Variants in C2CD3 observed in about 807,000 individuals in gnomAD.
C2CD3 encodes C2 domain-containing protein 3.
In C2CD3, 148 loss-of-function variants were observed where a neutral mutation model predicts 234.0. The ratio of observed to expected loss-of-function variants is 0.63; its 90% CI spans 0.55 to 0.72. The LOEUF (loss-of-function observed/expected upper bound fraction) is 0.72. Ranked by LOEUF, C2CD3 falls within the 30% of genes least tolerant of loss-of-function variation. C2CD3 has a pLI of 0.00. For synonymous variants in C2CD3, 1,000 were observed against 1,035.4 expected, an observed-to-expected ratio of 0.97 and a Z score of 0.66; for missense variants, 2,577 against 2,811.5, an observed-to-expected ratio of 0.92 and a Z score of 1.89.
intron 14 of C2CD3, among the ~76,000 whole-genome samples, chr11:74,101,901 T>C (rs896880702): frequency 2.6e-5 from 4 of 151,934 alleles, no homozygotes; most frequent in African/African-American, 9.7e-5. Context: ...TTGAAGGATA[T>C]AGGGAATCAC....
intron 17 of C2CD3, among the ~76,000 whole-genome samples, chr11:74,094,994 T>A (rs1956053332): frequency 1.3e-5 from 2 of 152,118 alleles, no homozygotes; most frequent in Non-Finnish European, 2.9e-5. Context: ...GTAAAGAGTA[T>A]ACCAAAGTTC....
At chr11:74,112,544 G>A (rs1177447694) in intron 11 of C2CD3, among the ~76,000 whole-genome samples, 1 of 152,072 alleles carries the variant, frequency 6.6e-6, no homozygotes, top group Admixed American at 6.6e-5. Flanking sequence ...GAAAATATTT[G>A]CAAATCATAG....
chr11:74,111,200 T>A (rs556974146), intron 11 of C2CD3, among the ~76,000 whole-genome samples: 40 of 152,318 alleles, frequency 2.6e-4, no homozygotes, highest in South Asian at 1.7e-3. Flanking sequence ...GAGTTTCCTC[T>A]TTCCTCTTTA....
At position 74,013,442 on chromosome 11, in the gene C2CD3, C is replaced by T. The variant is rs953541347; in HGVS notation, c.7005G>A (p.Glu2335=). 4.9e-6 allele frequency: 7 copies of T among 1,421,934 alleles called. No homozygotes were observed. The highest frequency in any genetic ancestry group is 5.5e-6 in the Non-Finnish European group (6 of 1,088,574). The allele number at this position is 1,421,934 out of a possible 1,614,324, so 88.1% of individuals were successfully genotyped here. ...RPNSLPLNLP[E]EETLRIARIF... ...TCCGTGCAATCCTGAGAGTTTCTTCCTCAGGCAGGTTGAGGGGGAGCGAGT... is the reference window on the plus strand; with the variant it reads ...TCCGTGCAATCCTGAGAGTTTCTTCTTCAGGCAGGTTGAGGGGGAGCGAGT... Residue 2335 remains glutamate (E), a synonymous_variant, in exon 33 of 33, where the codon GAG becomes GAA. Transcript: ENST00000334126.
chr11:74,074,189 T>C (rs1005377596), intron 24 of C2CD3, 64 bp downstream of exon 24: 6 of 1,091,858 alleles, frequency 5.5e-6, no homozygotes, highest in African/African-American at 1.6e-5. Context: ...TTTGAAAGAT[T>C]TGTGAAGAAA....
chr11:74,103,673 T>G, intron 13 of C2CD3, 48 bp from the exon 14 acceptor site: 1 of 1,513,922 alleles, frequency 6.6e-7, no homozygotes, highest in Non-Finnish European at 8.9e-7. Flanking sequence ...CCTTTAGAAT[T>G]GGAATTAGAA....
rs941754645 is a variant in C2CD3 at position 74,090,928 on chromosome 11, C to G, written c.3526G>C (p.Asp1176His). Residue 1176 changes from aspartate to histidine, a missense_variant, in exon 20 of 33, where the codon GAT (aspartate) becomes CAT (histidine). Physicochemically the swap from Asp to His is moderately conservative, Grantham distance 81. Transcript: ENST00000334126. ...ELRNQSSGLLDVGLRYRRSPR... is the reference protein window; with the variant it reads ...ELRNQSSGLLHVGLRYRRSPR... ...CTACGCCTGTACCTTAGGCCCACAT[C>G]CAGTAAACCTGAAGAATGAGGACAC... The G allele has an allele frequency of 6.2e-7, 1 of 1,613,672 alleles. No individual in the cohort carries two copies. The highest frequency in any genetic ancestry group is 2.2e-5 in the East Asian group (1 of 44,858).
rs1951745632 is a variant in C2CD3, at chr11:74,012,941, G to A, written c.*444C>T. 6.6e-6 allele frequency: 1 copy of A among 152,668 alleles called. No homozygotes were observed. The highest frequency in any genetic ancestry group is 1.5e-5 in the Non-Finnish European group (1 of 68,406). 9.5% of individuals were successfully genotyped at this position (152,668 alleles called of 1,614,324 possible). On this transcript the variant is annotated 3_prime_UTR_variant, in exon 33 of 33. Coordinates refer to ENST00000334126, the MANE Select transcript of C2CD3 (RefSeq NM_001286577.2). ...GTTCCCACACAAATGAACTGGAGGT[G>A]GCCCTAGGATTTCCTTGACTATGCA...
chr11:74,104,089 G>A (rs1956422854), intron 13 of C2CD3, among the ~76,000 whole-genome samples: 1 of 152,180 alleles, frequency 6.6e-6, no homozygotes, highest in Admixed American at 6.5e-5. Flanking sequence ...AAAAGAGACG[G>A]TAGAGTTAGA....
intron 24 of C2CD3, among the ~76,000 whole-genome samples, chr11:74,072,032 T>C (rs958737435): frequency 6.6e-6 from 1 of 152,160 alleles, no homozygotes; most frequent in Non-Finnish European, 1.5e-5. Context: ...AAAAAAACTT[T>C]CCAAAAATAA....
chr11:74,028,371 G>A lies in C2CD3; in HGVS notation c.6837C>T (p.Phe2279=), dbSNP rs1043962051. ...CCTCCAACTGCTGGGGAGGCAAAAA[G>A]AAGTTGGGCACCACAATGGGCCCTG... ...LLPGPIVVPN[F]FLPPQQLEAS... The change falls in exon 32 of 33, where the codon TTC becomes TTT. Residue 2279 remains phenylalanine, a synonymous_variant. Transcript: ENST00000334126. 6.5e-7 allele frequency: 1 copy of A among 1,536,030 alleles called. No homozygotes were observed. The highest frequency in any genetic ancestry group is 1.4e-5 in the African/African-American group (1 of 73,156).
intron 7 of C2CD3, among the ~76,000 whole-genome samples, chr11:74,130,757 G>A (rs745938976): frequency 6.6e-6 from 1 of 151,692 alleles, no homozygotes; most frequent in Non-Finnish European, 1.5e-5. Flanking sequence ...TCTGTAGTAA[G>A]CTTTAAAATT....
chr11:74,114,675 G>A, intron 9 of C2CD3, 82 bp from the exon 10 acceptor site: 1 of 871,908 alleles, frequency 1.1e-6, no homozygotes, highest in Admixed American at 2.0e-5. Flanking sequence ...GCAAGATGAG[G>A]AAAAAGGGAG....
chr11:74,064,476 C>T (rs888835392), intron 24 of C2CD3, among the ~76,000 whole-genome samples: 43 of 152,244 alleles, frequency 2.8e-4, no homozygotes, highest in Admixed American at 1.2e-3. Flanking sequence ...GAATCAATAT[C>T]GTGAAAATGG....
At chr11:74,104,693 A>G (rs1217207213) in intron 13 of C2CD3, among the ~76,000 whole-genome samples, 1 of 152,206 alleles carries the variant, frequency 6.6e-6, no homozygotes, top group East Asian at 1.9e-4. Context: ...GAATTTAAAG[A>G]ACAGAAGTGG....
At chr11:74,114,335 C>T (rs764567682) in intron 10 of C2CD3, 49 bp downstream of exon 10, 1 of 1,270,324 alleles carries the variant, frequency 7.9e-7, no homozygotes, top group South Asian at 1.2e-5. Flanking sequence ...TACCATCAGA[C>T]ACACTTTCCA....
intron 8 of C2CD3, among the ~76,000 whole-genome samples, chr11:74,121,334 T>C (rs1433658719): frequency 1.3e-5 from 2 of 152,108 alleles, no homozygotes; most frequent in Non-Finnish European, 2.9e-5. Context: ...GAGCTGGACA[T>C]GATGGCTCAC....
rs2135485497 is a variant in C2CD3, at chr11:74,093,995, A to C, written c.3165T>G (p.Ile1055Met). 6.2e-7 allele frequency: 1 copy of C among 1,609,500 alleles called. No homozygotes were observed. The highest frequency in any genetic ancestry group is 1.1e-5 in the South Asian group (1 of 90,746). ...LKGPEFLENG[I>M]TLKPFRTATT... The stretch of plus-strand genomic sequence containing the variant: ...TTGCAGTTCTGAAGGGCTTCAGAGT[A>C]ATTCCTTTGGAAAAGAAAAGCATTT... Residue 1055 changes from isoleucine (I) to methionine (M), a missense_variant, in exon 18 of 33, where the codon ATT (isoleucine) becomes ATG (methionine). Physicochemically the swap from Ile to Met is conservative, Grantham distance 10. Transcript: ENST00000334126.
At chr11:74,033,212 A>T in intron 31 of C2CD3, 139 bp downstream of exon 31, 1 of 660,480 alleles carries the variant, frequency 1.5e-6, no homozygotes, top group East Asian at 2.7e-5. Context: ...AGCACCTGTC[A>T]TGCAGGTGGG....
Sources: gnomAD v4.1 joint callset for allele counts (sites outside exome capture counted in the v4.1 genomes callset) on GRCh38, gnomAD v4.1.1 for gene constraint, MANE v1.5 for transcripts, NCBI Gene and HGNC (gene_info 2026-07-23, HGNC 2026-07-21) for gene names.